CBFA2T2: variants seen among roughly 807,000 people sequenced by gnomAD.
CBFA2T2 encodes the protein protein CBFA2T2.
CBFA2T2 carries 11 observed loss-of-function variants against 62.2 expected under a neutral mutation model. The observed-to-expected ratio is 0.18, with a 90% CI of 0.11 to 0.29. CBFA2T2 has a LOEUF of 0.29. Ranked by LOEUF, CBFA2T2 falls within the 10% of genes least tolerant of loss-of-function variation. The probability of loss-of-function intolerance (pLI) is 1.00; values close to 1 mark genes in which losing one functional copy is unlikely to be tolerated. For missense variants in CBFA2T2, 592 were observed against 774.1 expected (o/e 0.76, Z 2.79); for synonymous variants, 295 against 287.5 (o/e 1.03, Z -0.27).
intron 2 of CBFA2T2, among the ~76,000 whole-genome samples, chr20:33,608,799 T>C (rs2015424347): frequency 6.6e-6 from 1 of 152,196 alleles, no homozygotes; most frequent in East Asian, 1.9e-4. Context: ...CGAAAAAGCC[T>C]TTCTATACAT....
At chr20:33,607,247 CT>C in intron 2 of CBFA2T2, 148 bp downstream of exon 2, 1 of 634,554 alleles carries the variant, frequency 1.6e-6, no homozygotes, top group Non-Finnish European at 2.4e-6. Flanking sequence ...CTGGTTGTTT[CT>C]TTTATAAATT....
chr20:33,516,297 C>G (rs1481263939), intron 1 of CBFA2T2, among the ~76,000 whole-genome samples: 2 of 151,744 alleles, frequency 1.3e-5, no homozygotes, highest in East Asian at 3.9e-4. Context: ...TAGTGAAACC[C>G]CATCTCTACT....
intron 6 of CBFA2T2, among the ~76,000 whole-genome samples, chr20:33,626,733 C>T (rs2016245998): frequency 6.6e-6 from 1 of 152,186 alleles, no homozygotes; most frequent in South Asian, 2.1e-4. Context: ...CTTAGGCTCA[C>T]TAGCATCTTT....
chr20:33,570,926 T>C (rs2013536336), intron 1 of CBFA2T2, among the ~76,000 whole-genome samples: 1 of 152,202 alleles, frequency 6.6e-6, no homozygotes, highest in Non-Finnish European at 1.5e-5. Flanking sequence ...TCTCCCCAAG[T>C]AGAGAAGCAT....
intron 8 of CBFA2T2, among the ~76,000 whole-genome samples, chr20:33,635,904 A>C (rs145326827): frequency 1.4e-3 from 210 of 151,942 alleles, no homozygotes; most frequent in African/African-American, 4.8e-3. Flanking sequence ...AATTTGTAAA[A>C]ATGCTGCCTT....
At chr20:33,598,941 C>A (rs1294702106) in intron 1 of CBFA2T2, among the ~76,000 whole-genome samples, 2 of 152,178 alleles carry the variant, frequency 1.3e-5, no homozygotes, top group African/African-American at 4.8e-5. Flanking sequence ...GCTTTTTAAT[C>A]AGTTATAGCA....
At chr20:33,517,452 G>T (rs6059360) in intron 1 of CBFA2T2, among the ~76,000 whole-genome samples, 132,428 of 148,074 alleles carry the variant, frequency 0.89, 60,530 homozygotes, top group Non-Finnish European at 0.99. Flanking sequence ...TTTTTTTGGT[G>T]TTTTTTTTTT....
intron 1 of CBFA2T2, among the ~76,000 whole-genome samples, chr20:33,519,462 T>C (rs1046847516): frequency 6.6e-6 from 1 of 152,138 alleles, no homozygotes; most frequent in Non-Finnish European, 1.5e-5. Flanking sequence ...AGTGCGAGAC[T>C]CTGTCTCAGA....
intron 10 of CBFA2T2, 51 bp from the exon 11 acceptor site, chr20:33,644,296 A>C: frequency 6.4e-7 from 1 of 1,570,766 alleles, no homozygotes; most frequent in Non-Finnish European, 8.7e-7. Context: ...AATGAATGGC[A>C]AGCCTGCCCC....
At chr20:33,529,769 ATATATATATATATTTC>A (rs1233957091) in intron 1 of CBFA2T2, among the ~76,000 whole-genome samples, 10 of 109,810 alleles carry the variant, frequency 9.1e-5, no homozygotes, top group Non-Finnish European at 1.6e-4. Context: ...ATATATATAT[ATATATATATATATTTC>A]TTTTTTTTTT....
intron 1 of CBFA2T2, among the ~76,000 whole-genome samples, chr20:33,560,457 C>T (rs1288025480): frequency 6.6e-6 from 1 of 152,202 alleles, no homozygotes; most frequent in Admixed American, 6.5e-5. Context: ...CTTATAGGCC[C>T]TTTAACATAG....
At chr20:33,536,346 G>C (rs932002479) in intron 1 of CBFA2T2, among the ~76,000 whole-genome samples, 1 of 146,404 alleles carries the variant, frequency 6.8e-6, no homozygotes, top group African/African-American at 2.5e-5. Context: ...GCCGGGCAGA[G>C]GGGCTCCTCA....
intron 1 of CBFA2T2, among the ~76,000 whole-genome samples, chr20:33,568,024 T>G (rs1386297311): frequency 6.6e-6 from 1 of 152,186 alleles, no homozygotes; most frequent in Non-Finnish European, 1.5e-5. Context: ...CTATTGTATT[T>G]TCATTTGATT....
chr20:33,561,003 G>A (rs1378962077), intron 1 of CBFA2T2, among the ~76,000 whole-genome samples: 50 of 151,906 alleles, frequency 3.3e-4, no homozygotes, highest in Non-Finnish European at 5.1e-4. Context: ...TCAGCCTCCC[G>A]AGTAGCTGGG....
intron 1 of CBFA2T2, among the ~76,000 whole-genome samples, chr20:33,534,250 C>T (rs1265245114): frequency 1.3e-5 from 2 of 152,148 alleles, no homozygotes; most frequent in African/African-American, 4.8e-5. Context: ...TATATATCTT[C>T]TTTGGTGAAA....
intron 1 of CBFA2T2, among the ~76,000 whole-genome samples, chr20:33,582,233 C>A (rs569271076): frequency 6.6e-6 from 1 of 152,164 alleles, no homozygotes; most frequent in Non-Finnish European, 1.5e-5. Flanking sequence ...TGGCTCACGC[C>A]TGTAATCTCA....
intron 1 of CBFA2T2, among the ~76,000 whole-genome samples, chr20:33,589,924 T>C (rs1426006634): frequency 6.6e-6 from 1 of 152,152 alleles, no homozygotes; most frequent in African/African-American, 2.4e-5. Flanking sequence ...ATAAAATTAT[T>C]AATGAGCTTG....
intron 1 of CBFA2T2, among the ~76,000 whole-genome samples, chr20:33,553,034 TAGCAC>T (rs1440865422): frequency 6.6e-6 from 1 of 152,206 alleles, no homozygotes; most frequent in African/African-American, 2.4e-5. Context: ...TTTTTCTTTA[TAGCAC>T]TTAGTATATA....
intron 1 of CBFA2T2, among the ~76,000 whole-genome samples, chr20:33,591,481 A>G (rs903031823): frequency 1.3e-4 from 20 of 151,614 alleles, no homozygotes; most frequent in Non-Finnish European, 1.6e-4. Context: ...AAAAAAAAAA[A>G]AAAAGAAAAA....
Sources: gnomAD v4.1 joint callset for allele counts (sites outside exome capture counted in the v4.1 genomes callset) on GRCh38, gnomAD v4.1.1 for gene constraint, MANE v1.5 for transcripts, NCBI Gene and HGNC (gene_info 2026-07-23, HGNC 2026-07-21) for gene names.